Variants in ZNF507 observed in about 807,000 individuals in gnomAD.
The protein encoded by ZNF507 is zinc finger protein 507.
A neutral mutation model predicts 80.0 loss-of-function variants in ZNF507; 29 were observed. The ratio of observed to expected loss-of-function variants is 0.36; its 90% CI spans 0.27 to 0.49. The LOEUF (loss-of-function observed/expected upper bound fraction) is 0.49. ZNF507 is among the 20% of genes least tolerant of loss of function. The pLI, the probability that ZNF507 is intolerant of heterozygous loss-of-function variation, is 0.98. For synonymous variants in ZNF507, 462 were observed against 422.5 expected (o/e 1.09, Z -1.15); for missense variants, 1,081 against 1,152.2 (o/e 0.94, Z 0.90).
At position 32,365,663 on chromosome 19, in the gene ZNF507, T is replaced by C. The variant is rs113257503; in HGVS notation, c.2360+5045T>C. ...TGATTTACATCTCCCAGTACCACTT[T>C]TGTAGAGAACAAGATGGGAGAACAA... On this transcript the variant is annotated intron_variant, in intron 5 of 6. Coordinates refer to ENST00000355898, the MANE Select transcript of ZNF507 (RefSeq NM_001136156.2). 3.3e-5 allele frequency among the ~76,000 whole-genome samples: 5 copies of C among 152,336 alleles called. 1 individual carries two copies. The highest frequency in any genetic ancestry group is 1.2e-4 in the African/African-American group (5 of 41,580).
chr19:32,371,199 G>T (rs1967466026), intron 5 of ZNF507, among the ~76,000 whole-genome samples: 1 of 152,036 alleles, frequency 6.6e-6, no homozygotes, highest in South Asian at 2.1e-4. Context: ...GCCCAGCCGG[G>T]CGCGGTGGCT....
intron 5 of ZNF507, among the ~76,000 whole-genome samples, chr19:32,362,873 C>G (rs1355768170): frequency 2.6e-5 from 4 of 152,238 alleles, no homozygotes; most frequent in South Asian, 2.1e-4. Context: ...GTCATATCTC[C>G]CTCTTTGTAC....
At chr19:32,369,109 T>A (rs1366159202) in intron 5 of ZNF507, among the ~76,000 whole-genome samples, 1 of 152,232 alleles carries the variant, frequency 6.6e-6, no homozygotes, top group Non-Finnish European at 1.5e-5. Context: ...ATAAGAAGCC[T>A]TGGGTTTCTA....
Position 32,383,263 on chromosome 19 carries a change from T to C in ZNF507, c.*180T>C. ...AAAGGAATTCCAAATGGACAAGCAG[T>C]AATGATATTTAAATATTTTGAGTGA... On this transcript the variant is annotated 3_prime_UTR_variant, in exon 7 of 7. Coordinates refer to ENST00000355898, the MANE Select transcript of ZNF507 (RefSeq NM_001136156.2). 1 of 746,544 alleles carries C rather than the reference T, an allele frequency of 1.3e-6. No homozygotes were observed. The highest frequency in any genetic ancestry group is 2.1e-6 in the Non-Finnish European group (1 of 476,304). The allele number at this position is 746,544 out of a possible 1,614,324, so 46.2% of individuals were successfully genotyped here. A position where few individuals can be genotyped will look rare whatever the true frequency, so the allele number is the denominator to read the frequency against.
Position 32,354,723 on chromosome 19 carries a change from G to T in ZNF507, c.1893G>T (p.Val631=). The T allele has an allele frequency of 1.2e-6, 2 of 1,614,182 alleles. No homozygotes were observed. Among genetic ancestry groups the T allele is most frequent in the Non-Finnish European group, 1.7e-6 (2 of 1,180,034 alleles). ...CAAGTTTGTCCGGAAACAATGTGGT[G>T]GAATACATCCCGAATGCTGAACGAC... is the stretch of plus-strand genomic sequence containing the variant. ...SDTSLSGNNV[V]EYIPNAERPY... The change falls in exon 3 of 7, where the codon GTG becomes GTT. Residue 631 remains valine (V), a synonymous_variant. Coordinates refer to ENST00000355898, the MANE Select transcript of ZNF507 (RefSeq NM_001136156.2).
Position 32,383,639 on chromosome 19 carries a change from A to G in ZNF507, c.*556A>G, listed in dbSNP as rs576281617. On this transcript the variant is annotated 3_prime_UTR_variant, in exon 7 of 7. Transcript: ENST00000355898. ...GAAATACCTAAATTGATAGAAATTA[A>G]TCATACTCAATCTAGGACATGTTCC... 1 of 152,820 alleles carries G rather than the reference A, an allele frequency of 6.5e-6. No individual in the cohort carries two copies. The highest frequency in any genetic ancestry group is 2.4e-5 in the African/African-American group (1 of 41,592). The allele number at this position is 152,820 out of a possible 1,614,324, so 9.5% of individuals were successfully genotyped here.
intron 5 of ZNF507, among the ~76,000 whole-genome samples, chr19:32,365,097 G>C (rs1383586792): frequency 6.6e-6 from 1 of 152,072 alleles, no homozygotes; most frequent in Non-Finnish European, 1.5e-5. Context: ...TTCCCTGATC[G>C]TTAATGATTT....
At chr19:32,355,813 A>G (rs1361232210) in intron 3 of ZNF507, among the ~76,000 whole-genome samples, 2 of 152,020 alleles carry the variant, frequency 1.3e-5, no homozygotes, top group Non-Finnish European at 2.9e-5. Context: ...CATCCTGGCT[A>G]ACACTGTGAA....
At chr19:32,374,975 A>G (rs944859281) in intron 5 of ZNF507, among the ~76,000 whole-genome samples, 2 of 152,182 alleles carry the variant, frequency 1.3e-5, no homozygotes, top group African/African-American at 2.4e-5. Flanking sequence ...AGAATTATCC[A>G]TCTACTTTAT....
At chr19:32,356,861 G>T in intron 4 of ZNF507, 128 bp downstream of exon 4, 1 of 698,736 alleles carries the variant, frequency 1.4e-6, no homozygotes, top group Non-Finnish European at 2.6e-6. Flanking sequence ...CCATGGATGT[G>T]AGTGAATCTG....
At chr19:32,360,825 G>A (rs987571946) in intron 5 of ZNF507, among the ~76,000 whole-genome samples, 2 of 152,110 alleles carry the variant, frequency 1.3e-5, no homozygotes, top group Non-Finnish European at 2.9e-5. Context: ...AGGCTGGAGT[G>A]CAGTGGTATG....
intron 5 of ZNF507, 37 bp downstream of exon 5, chr19:32,360,655 T>G (rs200238560): frequency 6.7e-5 from 77 of 1,140,780 alleles, no homozygotes; most frequent in Middle Eastern, 5.4e-4. Context: ...ATGTTTGTAT[T>G]AAAATATTTT....
Position 32,356,672 on chromosome 19 carries a change from A to G in ZNF507, c.2184A>G (p.Ile728Met). 4 of 1,614,194 alleles carry G rather than the reference A, an allele frequency of 2.5e-6. No individual in the cohort carries two copies. Among genetic ancestry groups the G allele is most frequent in the Non-Finnish European group, 3.4e-6 (4 of 1,180,030 alleles). The change falls in exon 4 of 7, where the codon ATA becomes ATG. Residue 728 changes from isoleucine (I) to methionine (M), a missense_variant. This residue lies in a region of ZNF507 where 614 missense variants were observed against 583.9 expected (regional missense o/e 1.05). Transcript: ENST00000355898. Reference sequence around the variant, plus strand: ...ACAGTCTTCCAGATACCTTGTCAATAGCAACTTCTAATGAGCCAAGAATTT... The same window carrying G: ...ACAGTCTTCCAGATACCTTGTCAATGGCAACTTCTAATGAGCCAAGAATTT... ...EQHSLPDTLS[I>M]ATSNEPRISS...
At chr19:32,382,679 G>A (rs1177786153) in intron 6 of ZNF507, 38 bp from the exon 7 acceptor site, 3 of 1,610,234 alleles carry the variant, frequency 1.9e-6, no homozygotes, top group African/African-American at 1.3e-5. Context: ...CTACATTGTA[G>A]CCTCCTCACG....
At chr19:32,378,992 C>G (rs1568310017) in intron 5 of ZNF507, among the ~76,000 whole-genome samples, 1 of 152,186 alleles carries the variant, frequency 6.6e-6, no homozygotes, top group Non-Finnish European at 1.5e-5. Flanking sequence ...GGTAGAGGCA[C>G]TAGGCGGAAG....
rs899358896 is a variant in ZNF507 at position 32,353,933 on chromosome 19, C to G, written c.1103C>G (p.Ala368Gly). The G allele has an allele frequency of 1.2e-6, 2 of 1,614,112 alleles. No homozygotes were observed. The highest frequency in any genetic ancestry group is 1.7e-6 in the Non-Finnish European group (2 of 1,180,036). ...EEEMLEVISDAEENLIPDSLL... is the reference protein window; with the variant it reads ...EEEMLEVISDGEENLIPDSLL... ...GAAATGCTAGAAGTGATTTCTGATGCAGAGGAGAATCTGATTCCTGATAGC... is the reference window on the plus strand; with the variant it reads ...GAAATGCTAGAAGTGATTTCTGATGGAGAGGAGAATCTGATTCCTGATAGC... The change falls in exon 3 of 7, where the codon GCA becomes GGA. Residue 368 changes from alanine (A) to glycine (G), a missense_variant. Physicochemically the swap from Ala to Gly is moderately conservative, Grantham distance 60. Around this residue, in one of 6 missense-constraint regions of ZNF507, gnomAD observed 614 missense variants for 583.9 expected, o/e 1.05. Coordinates refer to ENST00000355898, the MANE Select transcript of ZNF507 (RefSeq NM_001136156.2).
chr19:32,359,851 A>G (rs1357773452), intron 4 of ZNF507: 3 of 152,136 alleles, frequency 2.0e-5, no homozygotes, highest in African/African-American at 7.2e-5. Flanking sequence ...TTTAGTGGTA[A>G]ACAAAGAAAA....
At chr19:32,346,363 A>C (rs1967097520) in intron 1 of ZNF507, among the ~76,000 whole-genome samples, 1 of 152,132 alleles carries the variant, frequency 6.6e-6, no homozygotes, top group African/African-American at 2.4e-5. Flanking sequence ...TTTGTGTAGA[A>C]GGCCGGGATG....
In ZNF507 at chr19:32,354,612, G is replaced by C; in HGVS notation, c.1782G>C (p.Leu594Phe). The C allele has an allele frequency of 6.2e-7, 1 of 1,614,162 alleles. No homozygotes were observed. Among genetic ancestry groups the C allele is most frequent in the Non-Finnish European group, 8.5e-7 (1 of 1,180,018 alleles). Residue 594 changes from leucine (L) to phenylalanine (F), a missense_variant, in exon 3 of 7, where the codon TTG becomes TTC. This residue lies in a region of ZNF507 where 614 missense variants were observed against 583.9 expected (regional missense o/e 1.05). Transcript: ENST00000355898. ...SMSLLTVIEK[L>F]RERTDQNASD... ...CCTTACTCACCGTCATTGAAAAATT[G>C]AGAGAAAGGACAGACCAAAACGCTT...
Sources: allele counts gnomAD v4.1 joint callset (sites outside exome capture counted in the v4.1 genomes callset), GRCh38; gene constraint gnomAD v4.1.1; regional missense constraint gnomAD v4.1.1; transcripts MANE v1.5; gene names NCBI Gene and HGNC (gene_info 2026-07-23, HGNC 2026-07-21).